Variants in WDFY4 observed in about 807,000 individuals in gnomAD.
The protein encoded by WDFY4 is WDFY family member 4.
Under a neutral mutation model 351.9 loss-of-function variants are expected in WDFY4, and 169 were observed. The ratio of observed to expected loss-of-function variants is 0.48; its 90% CI spans 0.42 to 0.55. The LOEUF (loss-of-function observed/expected upper bound fraction) is 0.55, where lower values mean the gene tolerates loss of function less well. Among genes scored for constraint, WDFY4 ranks in the 20% least tolerant of loss-of-function variants. The pLI, the probability that WDFY4 is intolerant of heterozygous loss-of-function variation, is 0.00. For missense variants in WDFY4, 3,803 were observed against 3,935.6 expected, an observed-to-expected ratio of 0.97 and a Z score of 0.90; for synonymous variants, 1,622 against 1,574.6, an observed-to-expected ratio of 1.03 and a Z score of -0.71.
At chr10:48,913,377 C>G (rs768972424) in intron 47 of WDFY4, 60 of 1,603,678 alleles carry the variant, frequency 3.7e-5, no homozygotes, top group Non-Finnish European at 4.8e-5. Flanking sequence ...GCCTCAGGGT[C>G]AGGTTCCAAG....
chr10:48,944,265 C>A (rs1377065001), intron 49 of WDFY4, among the ~76,000 whole-genome samples: 2 of 152,218 alleles, frequency 1.3e-5, no homozygotes, highest in Non-Finnish European at 2.9e-5. Context: ...TGGGCCTCAT[C>A]TGGGATCTGG....
intron 47 of WDFY4, among the ~76,000 whole-genome samples, chr10:48,934,962 CT>C (rs1338452138): frequency 3.9e-5 from 6 of 152,212 alleles, no homozygotes; most frequent in African/African-American, 1.4e-4. Context: ...GCTAGCTGCC[CT>C]TCCTGACTGG....
At chr10:48,762,953 G>C (rs927837471) in intron 13 of WDFY4, among the ~76,000 whole-genome samples, 1 of 152,206 alleles carries the variant, frequency 6.6e-6, no homozygotes, top group African/African-American at 2.4e-5. Context: ...GTGTAGGTGA[G>C]AGATGCCTAT....
intron 47 of WDFY4, chr10:48,914,076 T>A: frequency 6.2e-7 from 1 of 1,614,234 alleles, no homozygotes; most frequent in Non-Finnish European, 8.5e-7. Flanking sequence ...CTTTTTCCCA[T>A]CAAAAGTGAT....
intron 1 of WDFY4, among the ~76,000 whole-genome samples, chr10:48,696,577 G>T (rs557476449): frequency 6.6e-6 from 1 of 152,350 alleles, no homozygotes; most frequent in East Asian, 1.9e-4. Flanking sequence ...CCCGAGATTG[G>T]ACAGACTCAG....
chr10:48,738,782 T>C (rs2064756321), intron 11 of WDFY4, among the ~76,000 whole-genome samples: 1 of 152,228 alleles, frequency 6.6e-6, no homozygotes. Flanking sequence ...ATAGGGACTG[T>C]TTCTACAAAG....
chr10:48,875,842 A>G (rs997096635), intron 42 of WDFY4, among the ~76,000 whole-genome samples: 6 of 152,304 alleles, frequency 3.9e-5, no homozygotes, highest in African/African-American at 1.2e-4. Flanking sequence ...TCTGATCCCC[A>G]GGTGATTTGG....
chr10:48,892,251 T>G lies in WDFY4; in HGVS notation c.7316+1524T>G, dbSNP rs535355169. Among the ~76,000 whole-genome samples the G allele has an allele frequency of 7.2e-5, 11 of 152,378 alleles. No individual in the cohort carries two copies. The South Asian group carries it at 2.1e-3, about 29-fold the overall frequency. On this transcript the variant is annotated intron_variant, in intron 44 of 61. Transcript: ENST00000325239. Reference sequence around the variant, plus strand: ...GTTTAGATAGTGTTAGATAAGATCTTATTGATTAGGTAAATTGTGTTTATG... The same window carrying G: ...GTTTAGATAGTGTTAGATAAGATCTGATTGATTAGGTAAATTGTGTTTATG...
chr10:48,966,928 C>G, intron 55 of WDFY4: 1 of 498,298 alleles, frequency 2.0e-6, no homozygotes, highest in Non-Finnish European at 3.6e-6. Context: ...CACACACATA[C>G]ACACACAGAC....
chr10:48,811,493 C>A (rs1341197658), intron 29 of WDFY4, 46 bp from the exon 30 acceptor site: 1 of 1,533,590 alleles, frequency 6.5e-7, no homozygotes, highest in East Asian at 2.5e-5. Context: ...CCTTGACCAG[C>A]AGCTGTTCTC....
intron 13 of WDFY4, among the ~76,000 whole-genome samples, chr10:48,771,835 T>C (rs1365478386): frequency 6.6e-6 from 1 of 152,224 alleles, no homozygotes. Context: ...ACTTCATTCT[T>C]GTTTGAGAAA....
rs751918991 is a variant in WDFY4 at position 48,790,783 on chromosome 10, C to T, written c.4123C>T (p.Pro1375Ser). The change falls in exon 23 of 62, where the codon CCT becomes TCT. Residue 1375 changes from proline to serine, a missense_variant. Pro to Ser is a moderately conservative substitution (Grantham distance 74, BLOSUM62 -1). Around this residue, in one of 3 missense-constraint regions of WDFY4, gnomAD observed 3,054 missense variants for 3,148.6 expected, o/e 0.97. Transcript: ENST00000325239. ...AASSLDFIGG[P>S]AILLGLISLA... ...CAGCAGCCTGGACTTCATTGGCGGGCCTGCCATCCTCCTGGGCCTCATCTC... is the reference window on the plus strand; with the variant it reads ...CAGCAGCCTGGACTTCATTGGCGGGTCTGCCATCCTCCTGGGCCTCATCTC... The T allele has an allele frequency of 1.3e-6, 2 of 1,551,754 alleles. No individual in the cohort carries two copies. Among genetic ancestry groups the T allele is most frequent in the South Asian group, 1.2e-5 (1 of 84,062 alleles).
chr10:48,836,350 G>A (rs1458613281), intron 39 of WDFY4, among the ~76,000 whole-genome samples: 2 of 152,122 alleles, frequency 1.3e-5, no homozygotes, highest in African/African-American at 2.4e-5. Context: ...CAGTGAGAAG[G>A]TCGCCATCTG....
intron 1 of WDFY4, among the ~76,000 whole-genome samples, chr10:48,703,426 C>T (rs1235457929): frequency 6.6e-6 from 1 of 152,210 alleles, no homozygotes; most frequent in Non-Finnish European, 1.5e-5. Flanking sequence ...GCAGTTTCTG[C>T]ACCTGGAGTT....
At position 48,904,677 on chromosome 10, in the gene WDFY4, C is replaced by T. The variant is rs979291044; in HGVS notation, c.7586+2814C>T. Reference sequence around the variant, plus strand: ...TCAATCATGCAGGAATCCCACCACACACCGTACATGCTCTATCCCGGTAAC... The same window carrying T: ...TCAATCATGCAGGAATCCCACCACATACCGTACATGCTCTATCCCGGTAAC... On this transcript the variant is annotated intron_variant, in intron 47 of 61. Transcript: ENST00000325239. Among the ~76,000 whole-genome samples the T allele has an allele frequency of 7.4e-4, 113 of 152,302 alleles. 1 individual carries two copies. Among genetic ancestry groups the T allele is most frequent in the African/African-American group, 2.5e-3 (105 of 41,530 alleles).
In WDFY4 at chr10:48,970,265, C is replaced by T; in HGVS notation, c.8904C>T (p.Arg2968=). 1 of 1,551,356 alleles carries T rather than the reference C, an allele frequency of 6.4e-7. No homozygotes were observed. Among genetic ancestry groups the T allele is most frequent in the Non-Finnish European group, 8.7e-7 (1 of 1,147,004 alleles). The change falls in exon 57 of 62, where the codon CGC becomes CGT. Residue 2968 remains arginine (R), a synonymous_variant. Transcript: ENST00000325239. The part of the protein sequence containing the change: ...CVWELSMTKG[R]PRGLRLRQAL... ...GGGAGCTCAGCATGACCAAAGGCCGCCCGAGGGGCTTGCGCCTCCGGCAGG... is the reference window on the plus strand; with the variant it reads ...GGGAGCTCAGCATGACCAAAGGCCGTCCGAGGGGCTTGCGCCTCCGGCAGG...
chr10:48,859,180 A>T, intron 39 of WDFY4, among the ~76,000 whole-genome samples: 1 of 152,158 alleles, frequency 6.6e-6, no homozygotes, highest in South Asian at 2.1e-4. Context: ...GGACAATTTT[A>T]TTTATTTCTT....
At chr10:48,754,068 T>C (rs1309987802) in intron 12 of WDFY4, among the ~76,000 whole-genome samples, 4 of 152,190 alleles carry the variant, frequency 2.6e-5, no homozygotes, top group Admixed American at 6.5e-5. Flanking sequence ...ATTTTGTTGA[T>C]TGGTTTTGTT....
At chr10:48,904,330 G>A (rs1266177580) in intron 47 of WDFY4, among the ~76,000 whole-genome samples, 1 of 152,230 alleles carries the variant, frequency 6.6e-6, no homozygotes, top group East Asian at 1.9e-4. Context: ...CATATCTGCT[G>A]AATCTCAGCC....
Sources: gnomAD v4.1 joint callset for allele counts (sites outside exome capture counted in the v4.1 genomes callset) on GRCh38, gnomAD v4.1.1 for gene constraint, gnomAD v4.1.1 regional missense constraint, MANE v1.5 for transcripts, NCBI Gene and HGNC (gene_info 2026-07-23, HGNC 2026-07-21) for gene names.